GRID2: variants seen among roughly 807,000 people sequenced by gnomAD.
The protein encoded by GRID2 is glutamate ionotropic receptor delta type subunit 2.
Under a neutral mutation model 114.8 loss-of-function variants are expected in GRID2, and 33 were observed. The observed-to-expected ratio is 0.29, with a 90% confidence interval of 0.22 to 0.38. The LOEUF is 0.38. GRID2 is among the 10% of genes least tolerant of loss of function. The pLI, the probability that GRID2 is intolerant of heterozygous loss-of-function variation, is 1.00. For synonymous variants in GRID2, 505 were observed against 449.9 expected, an observed-to-expected ratio of 1.12 and a Z score of -1.55; for missense variants, 1,184 against 1,257.7, an observed-to-expected ratio of 0.94 and a Z score of 0.89.
At chr4:93,279,706 T>A (rs1752452737) in intron 8 of GRID2, among the ~76,000 whole-genome samples, 1 of 151,984 alleles carries the variant, frequency 6.6e-6, no homozygotes, top group Non-Finnish European at 1.5e-5. Context: ...TTACTTTTTT[T>A]ATATATCTTC....
At chr4:93,063,096 T>A (rs1433064471) in intron 2 of GRID2, among the ~76,000 whole-genome samples, 1 of 151,934 alleles carries the variant, frequency 6.6e-6, no homozygotes, top group African/African-American at 2.4e-5. Context: ...TGGGCTTTCT[T>A]ACACTCTCTT....
chr4:93,711,091 G>A (rs1728438723), intron 14 of GRID2, among the ~76,000 whole-genome samples: 1 of 152,166 alleles, frequency 6.6e-6, no homozygotes, highest in Admixed American at 6.5e-5. Context: ...TGCCCAAGTT[G>A]CAAGACAAAG....
At chr4:92,571,093 T>C (rs1045626660) in intron 1 of GRID2, among the ~76,000 whole-genome samples, 1 of 152,078 alleles carries the variant, frequency 6.6e-6, no homozygotes, top group Non-Finnish European at 1.5e-5. Flanking sequence ...ATAGCATATA[T>C]GGCTGTTATT....
intron 14 of GRID2, among the ~76,000 whole-genome samples, chr4:93,637,330 G>A (rs1721498922): frequency 6.6e-6 from 1 of 152,048 alleles, no homozygotes; most frequent in Non-Finnish European, 1.5e-5. Flanking sequence ...TTATTTTATA[G>A]AAGAGGAAAC....
chr4:93,110,705 A>G (rs1161173876), intron 3 of GRID2, 43 bp from the exon 4 acceptor site: 1 of 1,257,218 alleles, frequency 8.0e-7, no homozygotes, highest in South Asian at 1.2e-5. Flanking sequence ...TTCCTTCTGT[A>G]CAATAATTCA....
intron 1 of GRID2, among the ~76,000 whole-genome samples, chr4:92,395,083 G>A (rs1202277183): frequency 6.6e-6 from 1 of 151,340 alleles, no homozygotes; most frequent in Non-Finnish European, 1.5e-5. Context: ...AATAAACAAT[G>A]AACAACACAT....
intron 8 of GRID2, among the ~76,000 whole-genome samples, chr4:93,298,529 A>G (rs1452528134): frequency 2.0e-5 from 3 of 152,188 alleles, no homozygotes; most frequent in African/African-American, 7.2e-5. Context: ...GCACAATCAC[A>G]TTGGTGGGTA....
chr4:93,548,040 G>C (rs773386361), intron 13 of GRID2, among the ~76,000 whole-genome samples: 1 of 151,990 alleles, frequency 6.6e-6, no homozygotes, highest in South Asian at 2.1e-4. Flanking sequence ...AGCTGGGCAC[G>C]GTGGTGCGCA....
intron 13 of GRID2, among the ~76,000 whole-genome samples, chr4:93,555,887 G>A (rs1442542885): frequency 6.6e-6 from 1 of 152,164 alleles, no homozygotes; most frequent in Non-Finnish European, 1.5e-5. Flanking sequence ...GTGTCCCTCT[G>A]GGACAAAGCT....
chr4:93,470,106 A>C (rs758853533), intron 11 of GRID2, among the ~76,000 whole-genome samples: 2 of 152,126 alleles, frequency 1.3e-5, no homozygotes, highest in Non-Finnish European at 2.9e-5. Flanking sequence ...GATGACCTGA[A>C]TAATTCATTA....
intron 4 of GRID2, among the ~76,000 whole-genome samples, chr4:93,126,355 C>T (rs1734260531): frequency 6.6e-6 from 1 of 151,840 alleles, no homozygotes; most frequent in African/African-American, 2.4e-5. Flanking sequence ...GCATAATTGG[C>T]ATAATACTTT....
At chr4:93,218,807 G>A (rs1047918213) in intron 6 of GRID2, among the ~76,000 whole-genome samples, 2 of 152,156 alleles carry the variant, frequency 1.3e-5, no homozygotes, top group South Asian at 2.1e-4. Context: ...GAAGCCTCAG[G>A]AAACTTACAT....
chr4:92,461,746 T>C (rs1453017929), intron 1 of GRID2, among the ~76,000 whole-genome samples: 1 of 152,040 alleles, frequency 6.6e-6, no homozygotes, highest in Non-Finnish European at 1.5e-5. Flanking sequence ...ATATAGCCTG[T>C]GTGCTAATAA....
chr4:92,542,075 G>T (rs184932351), intron 1 of GRID2, among the ~76,000 whole-genome samples: 2 of 152,008 alleles, frequency 1.3e-5, no homozygotes, highest in Non-Finnish European at 2.9e-5. Flanking sequence ...TGGTTCTTAG[G>T]TCAAGAATAT....
rs559395413 is a variant in GRID2 at position 93,724,797 on chromosome 4, T to A, written c.2361-44413T>A. Among the ~76,000 whole-genome samples the A allele has an allele frequency of 5.3e-5, 8 of 152,162 alleles. No individual in the cohort carries two copies. In the East Asian group the frequency reaches 1.6e-3, roughly 30 times the overall value. On this transcript the variant is annotated intron_variant, in intron 14 of 15. Coordinates refer to ENST00000282020, the MANE Select transcript of GRID2 (RefSeq NM_001510.4). ...GAGCTTATTTTTGTTGTTGTTGTTT[T>A]GAGACAAAGTCTCACTCTGTCGCCC...
chr4:92,469,493 C>G (rs1206588956), intron 1 of GRID2, among the ~76,000 whole-genome samples: 2 of 151,952 alleles, frequency 1.3e-5, no homozygotes, highest in Non-Finnish European at 2.9e-5. Context: ...AATGTAAATG[C>G]TATGTGAATA....
At chr4:92,413,071 G>A (rs1195061976) in intron 1 of GRID2, among the ~76,000 whole-genome samples, 1 of 152,096 alleles carries the variant, frequency 6.6e-6, no homozygotes, top group Non-Finnish European at 1.5e-5. Flanking sequence ...ATAAATTTAA[G>A]GGCTACAAGT....
intron 2 of GRID2, among the ~76,000 whole-genome samples, chr4:93,002,112 G>A (rs1721049181): frequency 6.6e-6 from 1 of 150,916 alleles, no homozygotes; most frequent in African/African-American, 2.4e-5. Flanking sequence ...TTTTCCCATG[G>A]TCTTACCAAT....
At chr4:92,875,149 G>GTTTTT (rs36120160) in intron 2 of GRID2, among the ~76,000 whole-genome samples, 6 of 84,988 alleles carry the variant, frequency 7.1e-5, no homozygotes, top group Admixed American at 1.4e-4. Flanking sequence ...AACTCAAAAG[G>GTTTTT]TTTTTTTTTT....
Sources: allele counts gnomAD v4.1 joint callset (sites outside exome capture counted in the v4.1 genomes callset), GRCh38; gene constraint gnomAD v4.1.1; transcripts MANE v1.5; gene names NCBI Gene and HGNC (gene_info 2026-07-23, HGNC 2026-07-21).